SPTLC3: variants seen among roughly 807,000 people sequenced by gnomAD.
The protein encoded by SPTLC3 is serine palmitoyltransferase 3.
SPTLC3 carries 36 observed loss-of-function variants against 59.3 expected under a neutral mutation model. The observed-to-expected ratio is 0.61, with a 90% CI of 0.47 to 0.80. SPTLC3 has a LOEUF of 0.80. Among genes scored for constraint, SPTLC3 ranks in the 30% least tolerant of loss-of-function variants. SPTLC3 has a pLI of 0.00. For synonymous variants in SPTLC3, 257 were observed against 240.8 expected, an observed-to-expected ratio of 1.07 and a Z score of -0.62; for missense variants, 625 against 685.1, an observed-to-expected ratio of 0.91 and a Z score of 0.98.
intron 4 of SPTLC3, among the ~76,000 whole-genome samples, chr20:13,077,728 A>G (rs924449107): frequency 2.0e-5 from 3 of 152,224 alleles, no homozygotes; most frequent in Admixed American, 6.5e-5. Flanking sequence ...ATTAAAGTTA[A>G]AAACAGAAAC....
At chr20:13,055,338 A>G (rs1987675963) in intron 2 of SPTLC3, among the ~76,000 whole-genome samples, 1 of 151,958 alleles carries the variant, frequency 6.6e-6, no homozygotes, top group South Asian at 2.1e-4. Flanking sequence ...AGAGCTGACA[A>G]TGTAACTGGG....
intron 1 of SPTLC3, among the ~76,000 whole-genome samples, chr20:13,046,745 G>A (rs191887210): frequency 6.6e-6 from 1 of 152,276 alleles, no homozygotes; most frequent in Non-Finnish European, 1.5e-5. Context: ...ACATGACTGG[G>A]GTAAGGACAT....
chr20:13,150,040 C>T (rs78392212), intron 9 of SPTLC3, among the ~76,000 whole-genome samples: 2,725 of 152,254 alleles, frequency 0.018, 52 homozygotes, highest in South Asian at 0.03. Context: ...TGAATGCACA[C>T]GGGGACAGGC....
At chr20:13,153,980 A>C (rs759993234) in intron 9 of SPTLC3, 23 bp from the exon 10 acceptor site, 2 of 1,611,278 alleles carry the variant, frequency 1.2e-6, no homozygotes, top group Admixed American at 3.4e-5. Flanking sequence ...GAATTGATGG[A>C]TTTCACGCCT....
rs527261541 is a variant in SPTLC3, at chr20:13,051,479, C to T, written c.303+2349C>T. ...CTAAGAAATGAGACAGACAGCAACA[C>T]GATAATAGTGAGGGACTTCAGTACT... On this transcript the variant is annotated intron_variant, in intron 2 of 11. Transcript: ENST00000399002. Among the ~76,000 whole-genome samples the T allele has an allele frequency of 5.3e-5, 8 of 152,218 alleles. No individual in the cohort carries two copies. The South Asian group carries it at 8.3e-4, about 16-fold the overall frequency.
intron 6 of SPTLC3, among the ~76,000 whole-genome samples, chr20:13,105,278 T>C (rs935052652): frequency 6.8e-6 from 1 of 146,056 alleles, no homozygotes; most frequent in Non-Finnish European, 1.5e-5. Flanking sequence ...AAAAAAAAAA[T>C]GGCTAATTGA....
intron 2 of SPTLC3, among the ~76,000 whole-genome samples, chr20:13,068,539 G>T (rs979857941): frequency 6.6e-6 from 1 of 152,148 alleles, no homozygotes; most frequent in Non-Finnish European, 1.5e-5. Flanking sequence ...GAATGGGGTG[G>T]AGTGGAAATA....
At chr20:13,029,385 T>TA (rs1986315251) in intron 1 of SPTLC3, among the ~76,000 whole-genome samples, 1 of 152,236 alleles carries the variant, frequency 6.6e-6, no homozygotes, top group Admixed American at 6.5e-5. Flanking sequence ...GCTTTTCACC[T>TA]ATTCACTTCT....
chr20:13,115,530 T>C (rs530173966), intron 7 of SPTLC3, among the ~76,000 whole-genome samples: 25 of 152,312 alleles, frequency 1.6e-4, no homozygotes, highest in Non-Finnish European at 3.1e-4. Context: ...ATTTGTGGCA[T>C]GTCAGGTTTT....
At chr20:13,101,823 TGCC>T (rs775377085) in intron 6 of SPTLC3, among the ~76,000 whole-genome samples, 2 of 152,124 alleles carry the variant, frequency 1.3e-5, no homozygotes, top group Non-Finnish European at 2.9e-5. Context: ...AGCTCCTGGG[TGCC>T]GCTGCTGCTA....
At chr20:13,050,194 G>A (rs1362180721) in intron 2 of SPTLC3, 1 of 152,100 alleles carries the variant, frequency 6.6e-6, no homozygotes, top group Non-Finnish European at 1.5e-5. Flanking sequence ...GTTACAAGAA[G>A]TGAAGAGAGA....
chr20:13,091,089 T>C lies in SPTLC3; in HGVS notation c.614T>C (p.Leu205Ser). ...VASTRHEMGT[L>S]DKHKELEDLV... The stretch of plus-strand genomic sequence containing the variant: ...CATGTAATTTTATGTGCAGGCACCT[T>C]GGATAAGCACAAGGAGTTGGAGGAC... Residue 205 changes from leucine (L) to serine (S), a missense_variant, in exon 5 of 12, where the codon TTG becomes TCG. Coordinates refer to ENST00000399002, the MANE Select transcript of SPTLC3 (RefSeq NM_018327.4). 1 of 1,613,764 alleles carries C rather than the reference T, an allele frequency of 6.2e-7. No individual in the cohort carries two copies. Among genetic ancestry groups the C allele is most frequent in the Non-Finnish European group, 8.5e-7 (1 of 1,179,764 alleles).
intron 4 of SPTLC3, among the ~76,000 whole-genome samples, chr20:13,075,134 C>CAAAA (rs34927240): frequency 4.2e-4 from 57 of 137,148 alleles, no homozygotes; most frequent in Admixed American, 7.2e-4. Context: ...TTCATTTATT[C>CAAAA]AAAAAAAAAA....
At chr20:13,029,507 A>C (rs777593222) in intron 1 of SPTLC3, among the ~76,000 whole-genome samples, 1 of 150,120 alleles carries the variant, frequency 6.7e-6, no homozygotes, top group Non-Finnish European at 1.5e-5. Flanking sequence ...ATTTTTTCCT[A>C]TATTATATGG....
intron 1 of SPTLC3, among the ~76,000 whole-genome samples, chr20:13,039,501 T>C (rs1383913075): frequency 6.6e-6 from 1 of 152,098 alleles, no homozygotes; most frequent in Non-Finnish European, 1.5e-5. Context: ...TGTTTGCATC[T>C]CTGAATCAAA....
chr20:13,062,371 G>A (rs1334682340), intron 2 of SPTLC3, among the ~76,000 whole-genome samples: 1 of 152,110 alleles, frequency 6.6e-6, no homozygotes, highest in Admixed American at 6.5e-5. Flanking sequence ...AAGATAACTG[G>A]TAAAATCAGA....
chr20:13,063,427 A>G (rs1036547071), intron 2 of SPTLC3, among the ~76,000 whole-genome samples: 2 of 151,820 alleles, frequency 1.3e-5, no homozygotes, highest in African/African-American at 2.4e-5. Flanking sequence ...TTATGTTTTC[A>G]TTGTTGTTAT....
intron 7 of SPTLC3, among the ~76,000 whole-genome samples, chr20:13,111,783 A>G (rs1990247289): frequency 6.6e-6 from 1 of 152,186 alleles, no homozygotes; most frequent in Non-Finnish European, 1.5e-5. Context: ...ACAAAACCCA[A>G]CTGCAAATAA....
chr20:13,116,255 G>C (rs376279039), intron 7 of SPTLC3, among the ~76,000 whole-genome samples: 32 of 152,114 alleles, frequency 2.1e-4, no homozygotes, highest in East Asian at 1.3e-3. Context: ...TAAATAATTA[G>C]GGGAAAAAGG....
Sources: allele counts gnomAD v4.1 joint callset (sites outside exome capture counted in the v4.1 genomes callset), GRCh38; gene constraint gnomAD v4.1.1; transcripts MANE v1.5; gene names NCBI Gene and HGNC (gene_info 2026-07-23, HGNC 2026-07-21).